The following MRPL42 variants were observed in gnomAD, a reference collection of about 807,000 sequenced individuals.
MRPL42 encodes the protein mitochondrial ribosomal protein L42.
A neutral mutation model predicts 17.9 loss-of-function variants in MRPL42; 17 were observed. The ratio of observed to expected loss-of-function variants is 0.95; its 90% CI spans 0.65 to 1.42. The LOEUF (loss-of-function observed/expected upper bound fraction) is 1.42, where lower values mean the gene tolerates loss of function less well. Among genes scored for constraint, MRPL42 ranks in the 40% most tolerant of loss-of-function variants. The probability of loss-of-function intolerance (pLI) is 0.00; values close to 1 mark genes in which losing one functional copy is unlikely to be tolerated. For missense variants in MRPL42, 177 were observed against 175.2 expected (o/e 1.01, Z -0.06); for synonymous variants, 59 against 54.4 (o/e 1.08, Z -0.37).
Position 93,487,597 on chromosome 12 carries a change from C to T in MRPL42, c.320C>T (p.Pro107Leu). 2 of 1,613,296 alleles carry T rather than the reference C, an allele frequency of 1.2e-6. No individual in the cohort carries two copies. Among genetic ancestry groups the T allele is most frequent in the South Asian group, 1.1e-5 (1 of 91,064 alleles). Reference sequence around the variant, plus strand: ...AAAGTTGAACACCTTGAGGAAGGACCTATGATAGAACAACTTAGCAAAATG... The same window carrying T: ...AAAGTTGAACACCTTGAGGAAGGACTTATGATAGAACAACTTAGCAAAATG... ...EEKVEHLEEG[P>L]MIEQLSKMFF... Residue 107 changes from proline (P) to leucine (L), a missense_variant, in exon 5 of 6, where the codon CCT (proline) becomes CTT (leucine). Coordinates refer to ENST00000549982, the MANE Select transcript of MRPL42 (RefSeq NM_014050.4).
Position 93,514,575 on chromosome 12 carries a change from T to C in MRPL42, c.*13354T>C, listed in dbSNP as rs1332772039. ...CATGAGCCACTGCACCTGGCCATTA[T>C]TGGACAGTTTTAATGGAAAGTGTTT... On this transcript the variant is annotated 3_prime_UTR_variant, in exon 6 of 6. Coordinates refer to ENST00000549982, the MANE Select transcript of MRPL42 (RefSeq NM_014050.4). 3 of 152,054 alleles carry C rather than the reference T, an allele frequency of 2.0e-5. No individual in the cohort carries two copies. Among genetic ancestry groups the C allele is most frequent in the Non-Finnish European group, 2.9e-5 (2 of 67,974 alleles). The allele number at this position is 152,054 out of a possible 1,614,324, so 9.4% of individuals were successfully genotyped here.
At chr12:93,493,929 T>C (rs1953448316) in intron 5 of MRPL42, among the ~76,000 whole-genome samples, 1 of 51,642 alleles carries the variant, frequency 1.9e-5, no homozygotes, top group Non-Finnish European at 3.8e-5. Flanking sequence ...GAAGCCTTCA[T>C]TGAGTAAAAA....
At position 93,484,987 on chromosome 12, in the gene MRPL42, T is replaced by TGC. The variant is rs1565813764; in HGVS notation, c.220-2510_220-2509insGC. ...ACACACACACACACACACATATATATATATATATATATATATATATATATA... is the reference window on the plus strand; with the variant it reads ...ACACACACACACACACACATATATATGCATATATATATATATATATATATATA... On this transcript the variant is annotated intron_variant, in intron 4 of 5. Transcript: ENST00000549982. 1.3e-4 allele frequency among the ~76,000 whole-genome samples: 2 copies of TGC among 14,832 alleles called. 1 individual carries two copies. The highest frequency in any genetic ancestry group is 2.2e-4 in the Non-Finnish European group (2 of 8,918). 9.7% of individuals were successfully genotyped at this position (14,832 alleles called of 152,430 possible). A position where few individuals can be genotyped will look rare whatever the true frequency, so the allele number is the denominator to read the frequency against.
At chr12:93,476,903 A>C in intron 2 of MRPL42, 51 bp from the exon 3 acceptor site, 1 of 1,500,284 alleles carries the variant, frequency 6.7e-7, no homozygotes. Flanking sequence ...ATTTATGGAG[A>C]AAATATGCTC....
chr12:93,479,171 C>A (rs888688289), intron 3 of MRPL42, among the ~76,000 whole-genome samples: 1 of 151,534 alleles, frequency 6.6e-6, no homozygotes, highest in Non-Finnish European at 1.5e-5. Context: ...AATCTGCCCA[C>A]CTTGGCCTTA....
At chr12:93,494,190 G>C (rs1349462674) in intron 5 of MRPL42, among the ~76,000 whole-genome samples, 1 of 151,890 alleles carries the variant, frequency 6.6e-6, no homozygotes, top group Non-Finnish European at 1.5e-5. Context: ...AGCTGTTTGA[G>C]GATTTTCAAC....
At chr12:93,471,626 T>G (rs1329049048) in intron 2 of MRPL42, among the ~76,000 whole-genome samples, 1 of 152,166 alleles carries the variant, frequency 6.6e-6, no homozygotes, top group African/African-American at 2.4e-5. Flanking sequence ...TATAGGAAGC[T>G]TTCCATCCCT....
At chr12:93,478,461 G>T (rs1364001648) in intron 3 of MRPL42, among the ~76,000 whole-genome samples, 4 of 152,094 alleles carry the variant, frequency 2.6e-5, no homozygotes, top group African/African-American at 9.6e-5. Flanking sequence ...ATGTTACCCA[G>T]GCTGGTCTCA....
chr12:93,473,670 A>T (rs1033295399), intron 2 of MRPL42, among the ~76,000 whole-genome samples: 2 of 151,918 alleles, frequency 1.3e-5, no homozygotes, highest in African/African-American at 4.8e-5. Context: ...ACCTCAGGTG[A>T]TCTACCCACC....
At chr12:93,485,243 G>A (rs961379402) in intron 4 of MRPL42, among the ~76,000 whole-genome samples, 8 of 147,874 alleles carry the variant, frequency 5.4e-5, no homozygotes. Flanking sequence ...GCTCACTGCA[G>A]CCTCAGCTTC....
Position 93,476,953 on chromosome 12 carries a change from G to A in MRPL42, c.71-1G>A, listed in dbSNP as rs770815159. Reference sequence around the variant, plus strand: ...TGTTTTACTGTTTGGGGTTTTTGCAGATGGAGCTTTATATTGTGTTTGTCA... The same window carrying A: ...TGTTTTACTGTTTGGGGTTTTTGCAAATGGAGCTTTATATTGTGTTTGTCA... On this transcript the variant is annotated splice_acceptor_variant, in intron 2 of 5. Coordinates refer to ENST00000549982, the MANE Select transcript of MRPL42 (RefSeq NM_014050.4). LOFTEE classifies it high-confidence loss of function. The A allele has an allele frequency of 1.2e-6, 2 of 1,607,034 alleles. No homozygotes were observed. The highest frequency in any genetic ancestry group is 1.7e-6 in the Non-Finnish European group (2 of 1,175,780).
intron 2 of MRPL42, among the ~76,000 whole-genome samples, chr12:93,473,848 G>A (rs1357459638): frequency 2.0e-5 from 3 of 151,920 alleles, no homozygotes; most frequent in African/African-American, 4.8e-5. Flanking sequence ...TATTACAGGC[G>A]TGAGCCACCA....
intron 4 of MRPL42, among the ~76,000 whole-genome samples, chr12:93,481,737 ACTC>A (rs1184593861): frequency 6.6e-6 from 1 of 151,908 alleles, no homozygotes. Flanking sequence ...AGTAATTGCT[ACTC>A]CTCCTTCCCA....
intron 2 of MRPL42, among the ~76,000 whole-genome samples, chr12:93,476,322 C>A (rs1880174659): frequency 6.6e-6 from 1 of 152,018 alleles, no homozygotes; most frequent in Non-Finnish European, 1.5e-5. Context: ...GAGTAGCTGA[C>A]CACGCCTGGC....
rs1290129351 is a variant in MRPL42 at position 93,469,348 on chromosome 12, A to G, written c.63A>G (p.Pro21=). 1 of 1,598,868 alleles carries G rather than the reference A, an allele frequency of 6.3e-7. No individual in the cohort carries two copies. The highest frequency in any genetic ancestry group is 8.5e-7 in the Non-Finnish European group (1 of 1,175,386). ...SKRTILKHLF[P]VQNGALYCVC... ...GAACTATCTTGAAACATTTATTTCC[A>G]GTCCAAAGTAAGTGAAATTTTTTTT... is the stretch of plus-strand genomic sequence containing the variant. Residue 21 remains proline (P), a synonymous_variant, in exon 2 of 6, where the codon CCA becomes CCG. Coordinates refer to ENST00000549982, the MANE Select transcript of MRPL42 (RefSeq NM_014050.4).
chr12:93,468,049 G>A (rs1158879433), intron 1 of MRPL42, among the ~76,000 whole-genome samples: 19 of 152,218 alleles, frequency 1.2e-4, no homozygotes, highest in South Asian at 2.1e-4. Context: ...TCCCACGCAT[G>A]TATTAAGCAG....
chr12:93,501,238 G>A lies in MRPL42; in HGVS notation c.*17G>A. 6.3e-7 allele frequency: 1 copy of A among 1,591,918 alleles called. No homozygotes were observed. The highest frequency in any genetic ancestry group is 8.5e-7 in the Non-Finnish European group (1 of 1,171,588). ...GACAGATGATGCGGAGGTTCCTGGG[G>A]GAATCAAAGAGAAATGTGCCTCATT... On this transcript the variant is annotated 3_prime_UTR_variant, in exon 6 of 6. Transcript: ENST00000549982.
chr12:93,496,114 A>G (rs1028082437), intron 5 of MRPL42, among the ~76,000 whole-genome samples: 2 of 152,204 alleles, frequency 1.3e-5, no homozygotes, highest in African/African-American at 4.8e-5. Context: ...GCTGGAGCGC[A>G]GTTGCACAAT....
rs1021466228 is a variant in MRPL42 at position 93,469,227 on chromosome 12, A to G, written c.-59A>G. 2 of 1,377,238 alleles carry G rather than the reference A, an allele frequency of 1.5e-6. No individual in the cohort carries two copies. The highest frequency in any genetic ancestry group is 2.9e-5 in the African/African-American group (2 of 68,310). The allele number at this position is 1,377,238 out of a possible 1,614,324, so 85.3% of individuals were successfully genotyped here. On this transcript the variant is annotated 5_prime_UTR_variant, in exon 2 of 6. Coordinates refer to ENST00000549982, the MANE Select transcript of MRPL42 (RefSeq NM_014050.4). ...TGGTATGCTTAGAAGCAGATTCTAA[A>G]AGCAGTTTCTCTTCAGAACATCTTT...
Sources: gnomAD v4.1 joint callset for allele counts (sites outside exome capture counted in the v4.1 genomes callset) on GRCh38, gnomAD v4.1.1 for gene constraint, MANE v1.5 for transcripts, NCBI Gene and HGNC (gene_info 2026-07-23, HGNC 2026-07-21) for gene names.